RRM2: variants seen among roughly 807,000 people sequenced by gnomAD.
The protein encoded by RRM2 is ribonucleotide reductase regulatory subunit M2.
RRM2 carries 6 observed loss-of-function variants against 45.9 expected under a neutral mutation model. The ratio of observed to expected loss-of-function variants is 0.13; its 90% CI spans 0.07 to 0.26. The LOEUF (loss-of-function observed/expected upper bound fraction) is 0.26. RRM2 is among the 10% of genes least tolerant of loss of function. The probability of loss-of-function intolerance (pLI) is 1.00; values close to 1 mark genes in which losing one functional copy is unlikely to be tolerated. For missense variants in RRM2, 343 were observed against 489.5 expected (o/e 0.70, Z 2.82); for synonymous variants, 177 against 173.0 (o/e 1.02, Z -0.18).
intron 3 of RRM2, among the ~76,000 whole-genome samples, chr2:10,155,442 G>C (rs1176096700): frequency 6.6e-6 from 1 of 152,140 alleles, no homozygotes; most frequent in Non-Finnish European, 1.5e-5. Context: ...GGAGGGAGGA[G>C]TGGAGGGGAT....
intron 3 of RRM2, among the ~76,000 whole-genome samples, chr2:10,170,792 C>T (rs546100646): frequency 2.5e-4 from 38 of 152,300 alleles, no homozygotes; most frequent in African/African-American, 7.7e-4. Flanking sequence ...GCCTGTGTCC[C>T]GCACCCCCAC....
rs115205515 is a variant in RRM2 at position 10,176,981 on chromosome 2, C to T, written n.483-33330C>T. ...ACTGATTGAGCCGGGTACAGTGGCT[C>T]ATGCCGGTAATCCCAGCATTTTGGG... On this transcript the variant is annotated intron_variant and non_coding_transcript_variant, in intron 3 of 3. Transcript: ENST00000381786. Among the ~76,000 whole-genome samples the T allele has an allele frequency of 9.7e-3, 1,473 of 152,338 alleles. 30 individuals carry two copies. The highest frequency in any genetic ancestry group is 0.034 in the African/African-American group (1,414 of 41,582).
chr2:10,178,670 A>C (rs945416321), intron 3 of RRM2, among the ~76,000 whole-genome samples: 6 of 152,238 alleles, frequency 3.9e-5, no homozygotes, highest in East Asian at 3.8e-4. Context: ...GGCTTTTTGC[A>C]GTCGGCATAG....
chr2:10,197,987 T>A (rs887279993), intron 3 of RRM2, among the ~76,000 whole-genome samples: 3 of 152,138 alleles, frequency 2.0e-5, no homozygotes, highest in African/African-American at 7.2e-5. Context: ...TTTCCCTCCC[T>A]ACAAGCACGC....
At chr2:10,188,236 T>G (rs1291564818) in intron 3 of RRM2, among the ~76,000 whole-genome samples, 2 of 152,092 alleles carry the variant, frequency 1.3e-5, no homozygotes, top group Non-Finnish European at 2.9e-5. Flanking sequence ...GCTCCCTCGG[T>G]GTCTGTCAGC....
At position 10,180,451 on chromosome 2, in the gene RRM2, T is replaced by A. The variant is rs114613214; in HGVS notation, n.483-29860T>A. 1.9e-3 allele frequency among the ~76,000 whole-genome samples: 294 copies of A among 152,344 alleles called. 3 individuals carry two copies. Among genetic ancestry groups the A allele is most frequent in the African/African-American group, 6.7e-3 (280 of 41,578 alleles). On this transcript the variant is annotated intron_variant and non_coding_transcript_variant, in intron 3 of 3. Coordinates refer to the RRM2 transcript ENST00000381786. ...TTCATTATTCACCCTCGCTGCATAA[T>A]GCATGAAGGCTGCGGGCCAGGCCCA...
intron 3 of RRM2, among the ~76,000 whole-genome samples, chr2:10,160,574 C>G: frequency 6.6e-6 from 1 of 152,232 alleles, no homozygotes; most frequent in Non-Finnish European, 1.5e-5. Context: ...GCGGTTCCCT[C>G]ATGCCCAGCT....
In RRM2 at chr2:10,195,737, G is replaced by A. The variant is rs887942615; in HGVS notation, n.483-14574G>A. ...AGCAGTGTTCTTGGGCCTCAGGGAC[G>A]TGTCGTGACTGGCTGAAGGCTGTCA... is the stretch of plus-strand genomic sequence containing the variant. On this transcript the variant is annotated intron_variant and non_coding_transcript_variant, in intron 3 of 3. Transcript: ENST00000381786. This position sits in a 1 kb window ranked among gnomAD's most constrained non-coding sequence, Gnocchi z 4.9. 7.9e-5 allele frequency among the ~76,000 whole-genome samples: 12 copies of A among 152,168 alleles called. No homozygotes were observed. The highest frequency in any genetic ancestry group is 5.9e-4 in the Admixed American group (9 of 15,286).
intron 3 of RRM2, among the ~76,000 whole-genome samples, chr2:10,202,073 T>G (rs973704761): frequency 6.6e-6 from 1 of 152,260 alleles, no homozygotes; most frequent in Non-Finnish European, 1.5e-5. Flanking sequence ...AAACCCACTG[T>G]GCTTTTATTT....
At chr2:10,128,029 G>A (rs1202303269) in intron 7 of RRM2, among the ~76,000 whole-genome samples, 4 of 151,900 alleles carry the variant, frequency 2.6e-5, no homozygotes, top group African/African-American at 9.7e-5. Context: ...AGCCGGGTAT[G>A]GTGGACGTGC....
In RRM2 at chr2:10,195,172, G is replaced by A. The variant is rs927005641; in HGVS notation, n.483-15139G>A. On this transcript the variant is annotated intron_variant and non_coding_transcript_variant, in intron 3 of 3. Transcript: ENST00000381786. This position sits in a 1 kb window ranked among gnomAD's most constrained non-coding sequence, Gnocchi z 4.9. ...CCTGGGGAGCTACCGAGGGCAACAGGCATGTTCTGGAAGACCCACCGTCTG... is the reference window on the plus strand; with the variant it reads ...CCTGGGGAGCTACCGAGGGCAACAGACATGTTCTGGAAGACCCACCGTCTG... Among the ~76,000 whole-genome samples, 1 of 152,122 alleles carries A rather than the reference G, an allele frequency of 6.6e-6. No homozygotes were observed. The highest frequency in any genetic ancestry group is 2.4e-5 in the African/African-American group (1 of 41,422).
rs1308623264 is a variant in RRM2, at chr2:10,186,635, G to C, written n.483-23676G>C. On this transcript the variant is annotated intron_variant and non_coding_transcript_variant, in intron 3 of 3. Coordinates refer to the RRM2 transcript ENST00000381786. ...CCCTCTGTGCCTCTGCTGTTCATCT[G>C]CTGAATGGGTCTCATAGTTGAGCAG... Among the ~76,000 whole-genome samples, 4 of 152,226 alleles carry C rather than the reference G, an allele frequency of 2.6e-5. No individual in the cohort carries two copies. The East Asian group carries it at 7.7e-4, about 29-fold the overall frequency.
chr2:10,196,862 G>A (rs1014961196), intron 3 of RRM2, among the ~76,000 whole-genome samples: 21 of 152,172 alleles, frequency 1.4e-4, no homozygotes, highest in African/African-American at 4.6e-4. Flanking sequence ...CCTGCCCCCT[G>A]ATGGGAAGGA....
chr2:10,148,860 A>C (rs1663246441), intron 3 of RRM2, among the ~76,000 whole-genome samples: 1 of 152,060 alleles, frequency 6.6e-6, no homozygotes, highest in Non-Finnish European at 1.5e-5. Context: ...TCCTTTGTAG[A>C]TCTTCCAAAT....
At chr2:10,208,840 G>T (rs1036631558) in intron 3 of RRM2, among the ~76,000 whole-genome samples, 14 of 151,900 alleles carry the variant, frequency 9.2e-5, no homozygotes, top group African/African-American at 2.7e-4. Context: ...AGACACTCAC[G>T]TATCACCCTG....
At chr2:10,137,997 C>T (rs1663020674), upstream of RRM2, among the ~76,000 whole-genome samples, 1 of 152,000 alleles carries the variant, frequency 6.6e-6, no homozygotes, top group Non-Finnish European at 1.5e-5. Context: ...TTTAGGCTCC[C>T]TCTTTGTTTT....
At chr2:10,137,850 A>T (rs1490163625), upstream of RRM2, among the ~76,000 whole-genome samples, 1 of 152,030 alleles carries the variant, frequency 6.6e-6, no homozygotes, top group Non-Finnish European at 1.5e-5. Flanking sequence ...ACGAGATGGG[A>T]AGGAATTTGC....
intron 3 of RRM2, among the ~76,000 whole-genome samples, chr2:10,164,790 T>C (rs1219131697): frequency 6.6e-6 from 1 of 152,138 alleles, no homozygotes; most frequent in Non-Finnish European, 1.5e-5. Flanking sequence ...GGGCCCCCAC[T>C]GCCCCTCCCT....
chr2:10,204,132 C>T lies in RRM2; in HGVS notation n.483-6179C>T, dbSNP rs1052436300. Reference sequence around the variant, plus strand: ...TTTCTGTTGCTTGCATCCCAACTACCATCATTGGGACAGAGCCCCTGTGCT... The same window carrying T: ...TTTCTGTTGCTTGCATCCCAACTACTATCATTGGGACAGAGCCCCTGTGCT... On this transcript the variant is annotated intron_variant and non_coding_transcript_variant, in intron 3 of 3. Coordinates refer to the RRM2 transcript ENST00000381786. The surrounding 1 kb of genome is among the most constrained non-coding windows in gnomAD (Gnocchi z 4.0). Among the ~76,000 whole-genome samples the T allele has an allele frequency of 1.1e-4, 17 of 151,966 alleles. No individual in the cohort carries two copies. Among genetic ancestry groups the T allele is most frequent in the Admixed American group, 9.2e-4 (14 of 15,234 alleles).
Sources: allele counts gnomAD v4.1 joint callset (sites outside exome capture counted in the v4.1 genomes callset), GRCh38; gene constraint gnomAD v4.1.1; non-coding constraint Gnocchi (gnomAD v3.1); transcripts MANE v1.5; gene names NCBI Gene and HGNC (gene_info 2026-07-23, HGNC 2026-07-21).